Variants in LIMK1 observed in about 807,000 individuals in gnomAD.
The protein encoded by LIMK1 is LIM domain kinase 1.
A neutral mutation model predicts 77.6 loss-of-function variants in LIMK1; 21 were observed. That is an observed-to-expected ratio of 0.27 (90% CI 0.19 to 0.39). The LOEUF (loss-of-function observed/expected upper bound fraction) is 0.39, where lower values mean the gene tolerates loss of function less well. Ranked by LOEUF, LIMK1 falls within the 10% of genes least tolerant of loss-of-function variation. LIMK1 has a pLI of 1.00. For synonymous variants in LIMK1, 358 were observed against 370.0 expected (o/e 0.97, Z 0.37); for missense variants, 696 against 901.6 (o/e 0.77, Z 2.92).
Position 74,107,211 on chromosome 7 carries a change from G to A in LIMK1, c.1065+18G>A. The A allele has an allele frequency of 6.3e-7, 1 of 1,592,616 alleles. No individual in the cohort carries two copies. The highest frequency in any genetic ancestry group is 1.1e-5 in the South Asian group (1 of 88,494). ...CTATCAAGGTACAGAGCATGCCAGGGTCTCAGGGGACAGTCTGGGTGGGAC... is the reference window on the plus strand; with the variant it reads ...CTATCAAGGTACAGAGCATGCCAGGATCTCAGGGGACAGTCTGGGTGGGAC... On this transcript the variant is annotated intron_variant, in intron 8 of 15. Coordinates refer to ENST00000336180, the MANE Select transcript of LIMK1 (RefSeq NM_002314.4).
intron 2 of LIMK1, chr7:74,094,430 C>G (rs1245732646): frequency 1.3e-5 from 2 of 152,228 alleles, no homozygotes; most frequent in Non-Finnish European, 2.9e-5. Flanking sequence ...TTGGTTACAG[C>G]AATTCCTAAT....
chr7:74,120,579 CCAGGCCG>C lies in LIMK1; in HGVS notation c.1568_1574del (p.Gly523AlafsTer22). ...ATCTGCTGACAGTCGGTCTCTTTAT[CCAGGCCG>C]CAGCTATGATGAGAAGGTGGATGTG... On this transcript the variant is annotated splice_acceptor_variant and splice_polypyrimidine_tract_variant and coding_sequence_variant and intron_variant, in exon 14 of 16. Transcript: ENST00000336180. LOFTEE classifies it high-confidence loss of function. 1 of 1,614,212 alleles carries C rather than the reference CCAGGCCG, an allele frequency of 6.2e-7. No homozygotes were observed. Among genetic ancestry groups the C allele is most frequent in the Non-Finnish European group, 8.5e-7 (1 of 1,180,012 alleles).
In LIMK1 at chr7:74,099,037, A is replaced by G. The variant is rs782062953; in HGVS notation, c.407A>G (p.His136Arg). The change falls in exon 5 of 16, where the codon CAC becomes CGC. Residue 136 changes from histidine to arginine, a missense_variant. Around this residue, in one of 3 missense-constraint regions of LIMK1, gnomAD observed 252 missense variants for 279.4 expected, o/e 0.90. Transcript: ENST00000336180. Reference sequence around the variant, plus strand: ...CACCCCGGCGGCTCTTGCAGCGGGCACTGCTACTACCAGACTGTGGTGACC... The same window carrying G: ...CACCCCGGCGGCTCTTGCAGCGGGCGCTGCTACTACCAGACTGTGGTGACC... ...LVEHSKLYCGHCYYQTVVTPV... is the reference protein window; with the variant it reads ...LVEHSKLYCGRCYYQTVVTPV... 24 of 1,607,314 alleles carry G rather than the reference A, an allele frequency of 1.5e-5. No homozygotes were observed. In the South Asian group the frequency reaches 1.8e-4, roughly 12 times the overall value.
chr7:74,108,836 G>A (rs1799637639), intron 9 of LIMK1, 69 bp from the exon 10 acceptor site: 1 of 1,569,108 alleles, frequency 6.4e-7, no homozygotes, highest in South Asian at 1.2e-5. Flanking sequence ...GGATGGAAAA[G>A]GGAGAAGCAG....
rs188149419 is a variant in LIMK1, at chr7:74,100,951, A to G, written c.608+1713A>G. Among the ~76,000 whole-genome samples, 16 of 147,356 alleles carry G rather than the reference A, an allele frequency of 1.1e-4. No homozygotes were observed. In the East Asian group the frequency reaches 1.6e-3, roughly 15 times the overall value. ...ACAGGGTTTCACCATATTAGGCAGG[A>G]TGGTCTCGATCTCCTGACCTCGTGA... On this transcript the variant is annotated intron_variant, in intron 5 of 15. Transcript: ENST00000336180.
chr7:74,104,591 C>G (rs1799528663), intron 5 of LIMK1, among the ~76,000 whole-genome samples: 1 of 151,714 alleles, frequency 6.6e-6, no homozygotes, highest in Non-Finnish European at 1.5e-5. Context: ...CTCCATTGCA[C>G]TCCAGCCTGG....
chr7:74,094,629 G>T (rs1799304269), intron 2 of LIMK1, among the ~76,000 whole-genome samples: 1 of 152,178 alleles, frequency 6.6e-6, no homozygotes, highest in Non-Finnish European at 1.5e-5. Flanking sequence ...CCCAAAGTCG[G>T]CCTGGCCTCC....
At chr7:74,087,049 C>T (rs1799148982) in intron 2 of LIMK1, among the ~76,000 whole-genome samples, 1 of 152,114 alleles carries the variant, frequency 6.6e-6, no homozygotes, top group South Asian at 2.1e-4. Flanking sequence ...GTCTACCTGC[C>T]TTGAGCCAGA....
At chr7:74,101,199 G>A (rs1456350968) in intron 5 of LIMK1, among the ~76,000 whole-genome samples, 2 of 152,204 alleles carry the variant, frequency 1.3e-5, no homozygotes, top group Non-Finnish European at 2.9e-5. Flanking sequence ...AGCCAAGCCA[G>A]CAGCTGCTTT....
Position 74,115,816 on chromosome 7 carries a change from G to A in LIMK1, c.1425G>A (p.Val475=), listed in dbSNP as rs2115748646. The part of the protein sequence containing the change: ...NCLVRENKNV[V]VADFGLARLM... ...CACCTTCCCAGAACAAGAATGTGGT[G>A]GTGGCTGACTTCGGGCTGGCGCGTC... Residue 475 remains valine, a synonymous_variant, in exon 13 of 16, where the codon GTG becomes GTA. Transcript: ENST00000336180. 6.2e-7 allele frequency: 1 copy of A among 1,614,096 alleles called. No individual in the cohort carries two copies.
chr7:74,115,863 A>G lies in LIMK1; in HGVS notation c.1472A>G (p.Gln491Arg). 1 of 1,614,222 alleles carries G rather than the reference A, an allele frequency of 6.2e-7. No individual in the cohort carries two copies. Among genetic ancestry groups the G allele is most frequent in the Non-Finnish European group, 8.5e-7 (1 of 1,180,040 alleles). Residue 491 changes from glutamine to arginine, a missense_variant, in exon 13 of 16, where the codon CAG becomes CGG. Gln to Arg is a conservative substitution (Grantham distance 43). This residue lies in a region of LIMK1 where 438 missense variants were observed against 602.3 expected (regional missense o/e 0.73). Coordinates refer to ENST00000336180, the MANE Select transcript of LIMK1 (RefSeq NM_002314.4). ...LARLMVDEKT[Q>R]PEGLRSLKKP... is the part of the protein sequence containing the mutation. ...CGTCTCATGGTGGACGAGAAGACTC[A>G]GCCTGAGGGCCTGCGGAGCCTCAAG...
chr7:74,093,067 C>G, intron 2 of LIMK1: 1 of 1,326,452 alleles, frequency 7.5e-7, no homozygotes, highest in African/African-American at 1.5e-5. Flanking sequence ...CTTCCTGTTG[C>G]AGGCTCAGAC....
At chr7:74,084,275 T>C (rs1282252911) in intron 1 of LIMK1, among the ~76,000 whole-genome samples, 1 of 151,080 alleles carries the variant, frequency 6.6e-6, no homozygotes, top group Non-Finnish European at 1.5e-5. Flanking sequence ...GGACCCTTTT[T>C]CCTCCTCCCA....
chr7:74,107,781 C>A, intron 8 of LIMK1, 90 bp from the exon 9 acceptor site: 1 of 957,872 alleles, frequency 1.0e-6, no homozygotes, highest in Non-Finnish European at 1.6e-6. Context: ...CTGCACATCT[C>A]CCTGGCAGTC....
chr7:74,093,186 G>A, intron 2 of LIMK1: 2 of 1,526,548 alleles, frequency 1.3e-6, no homozygotes, highest in South Asian at 1.2e-5. Context: ...GGATGGGGAA[G>A]CAGCTGGTCT....
chr7:74,107,535 T>G (rs182778857), intron 8 of LIMK1, among the ~76,000 whole-genome samples: 1 of 151,928 alleles, frequency 6.6e-6, no homozygotes, highest in East Asian at 1.9e-4. Flanking sequence ...ATTTAAAAAT[T>G]AATTGGGTAT....
intron 12 of LIMK1, among the ~76,000 whole-genome samples, chr7:74,112,939 G>A (rs1799733504): frequency 6.6e-6 from 1 of 152,152 alleles, no homozygotes; most frequent in African/African-American, 2.4e-5. Context: ...CAAAAGCACA[G>A]GAGCGAGTAA....
intron 10 of LIMK1, chr7:74,110,034 C>T (rs1799663372): frequency 6.6e-6 from 1 of 152,052 alleles, no homozygotes; most frequent in Non-Finnish European, 1.5e-5. Flanking sequence ...CAACGGGTTC[C>T]GTTGTCAGGT....
chr7:74,098,472 G>A (rs1457163213), intron 4 of LIMK1, among the ~76,000 whole-genome samples: 6 of 152,200 alleles, frequency 3.9e-5, no homozygotes, highest in Admixed American at 3.9e-4. Flanking sequence ...ACAGCGAGTA[G>A]ACAGACCCGA....
Sources: gnomAD v4.1 joint callset for allele counts (sites outside exome capture counted in the v4.1 genomes callset) on GRCh38, gnomAD v4.1.1 for gene constraint, gnomAD v4.1.1 regional missense constraint, MANE v1.5 for transcripts, NCBI Gene and HGNC (gene_info 2026-07-23, HGNC 2026-07-21) for gene names.